Variants in ITGB2 observed in about 807,000 individuals in gnomAD.
ITGB2 encodes integrin beta-2.
Under a neutral mutation model 86.8 loss-of-function variants are expected in ITGB2, and 56 were observed. That is an observed-to-expected ratio of 0.65 (90% confidence interval 0.52 to 0.81). The LOEUF (loss-of-function observed/expected upper bound fraction) is 0.81, where lower values mean the gene tolerates loss of function less well. ITGB2 is among the 30% of genes least tolerant of loss of function. The pLI is 0.00. For synonymous variants in ITGB2, 457 were observed against 450.4 expected, an observed-to-expected ratio of 1.01 and a Z score of -0.19; for missense variants, 948 against 1,061.2, an observed-to-expected ratio of 0.89 and a Z score of 1.48.
At chr21:44,894,514 A>C in intron 9 of ITGB2, 1 of 249,390 alleles carries the variant, frequency 4.0e-6, no homozygotes. Flanking sequence ...CACCAGGGAG[A>C]AATTCAGGGG....
intron 1 of ITGB2, chr21:44,926,829 G>A (rs2084378631): frequency 2.0e-5 from 3 of 152,290 alleles, no homozygotes; most frequent in South Asian, 2.1e-4. Context: ...TGTCATCAGG[G>A]GTTGGTTGGT....
In ITGB2 at chr21:44,917,547, T is replaced by G. The variant is rs539750069; in HGVS notation, c.-4+3274A>C. On this transcript the variant is annotated intron_variant, in intron 1 of 15. Coordinates refer to ENST00000652462, the MANE Select transcript of ITGB2 (RefSeq NM_000211.5). ...ACTGTGACGTTGATGAGGACGCTGC[T>G]TCATGGCAGTGGGACCTCCCTGCTG... Among the ~76,000 whole-genome samples the G allele has an allele frequency of 2.0e-5, 3 of 152,338 alleles. No homozygotes were observed. The East Asian group carries it at 5.8e-4, about 29-fold the overall frequency.
At chr21:44,907,266 G>A (rs930004483) in intron 3 of ITGB2, among the ~76,000 whole-genome samples, 171 bp from the exon 4 acceptor site, 20 of 152,130 alleles carry the variant, frequency 1.3e-4, no homozygotes, top group Admixed American at 5.2e-4. Context: ...CTCCCAGACA[G>A]CCCCTCCCTG....
At chr21:44,923,009 G>A (rs1028487244), upstream of ITGB2, 5 of 152,310 alleles carry the variant, frequency 3.3e-5, no homozygotes, top group South Asian at 2.1e-4. Flanking sequence ...CGCTGCGAAC[G>A]TCACGGACGC....
chr21:44,915,317 C>G (rs1401959347), intron 1 of ITGB2, among the ~76,000 whole-genome samples: 1 of 152,190 alleles, frequency 6.6e-6, no homozygotes, highest in Non-Finnish European at 1.5e-5. Flanking sequence ...AGCCACCGTG[C>G]CCAGTCTCAG....
chr21:44,905,315 C>T (rs984949206), intron 4 of ITGB2, among the ~76,000 whole-genome samples: 3 of 152,140 alleles, frequency 2.0e-5, no homozygotes, highest in African/African-American at 7.2e-5. Flanking sequence ...GTTTGCCTAC[C>T]CTCACCTGCA....
chr21:44,889,084 G>A (rs944078862), intron 13 of ITGB2, 189 bp from the exon 14 acceptor site: 120 of 700,288 alleles, frequency 1.7e-4, no homozygotes, highest in Non-Finnish European at 8.6e-5. Context: ...CAGGGCCCGC[G>A]GCAGGTGCGC....
chr21:44,902,205 C>T (rs889441870), intron 5 of ITGB2, among the ~76,000 whole-genome samples: 24 of 152,178 alleles, frequency 1.6e-4, no homozygotes, highest in Admixed American at 1.5e-3. Context: ...TGTTTATGTA[C>T]GATTTATACA....
At chr21:44,898,598 C>T (rs1236235991) in intron 8 of ITGB2, among the ~76,000 whole-genome samples, 1 of 152,236 alleles carries the variant, frequency 6.6e-6, no homozygotes, top group East Asian at 1.9e-4. Context: ...ACGTGTTTCA[C>T]TGGGGGCCTC....
chr21:44,903,437 G>A lies in ITGB2; in HGVS notation c.427C>T (p.Leu143Phe). 1.2e-6 allele frequency: 2 copies of A among 1,614,104 alleles called. No individual in the cohort carries two copies. Among genetic ancestry groups the A allele is most frequent in the Non-Finnish European group, 1.7e-6 (2 of 1,179,982 alleles). The change falls in exon 5 of 16, where the codon CTC becomes TTC. Residue 143 changes from leucine (L) to phenylalanine (F), a missense_variant. Coordinates refer to ENST00000652462, the MANE Select transcript of ITGB2 (RefSeq NM_000211.5). Reference protein sequence around the residue: ...MDLSYSMLDDLRNVKKLGGDL... With the variant: ...MDLSYSMLDDFRNVKKLGGDL... The stretch of plus-strand genomic sequence containing the variant: ...CCACCTAGCTTCTTGACATTCCTGA[G>A]GTCATCAAGCATGGAGTAGGAGAGG...
chr21:44,902,680 C>A (rs994129089), intron 5 of ITGB2, among the ~76,000 whole-genome samples: 6 of 148,534 alleles, frequency 4.0e-5, no homozygotes, highest in African/African-American at 1.5e-4. Flanking sequence ...CGTGCATTTG[C>A]GTTTGAGCAT....
intron 2 of ITGB2, 49 bp from the exon 3 acceptor site, chr21:44,910,421 C>T (rs1305354595): frequency 6.2e-7 from 1 of 1,613,120 alleles, no homozygotes; most frequent in South Asian, 1.1e-5. Context: ...CCGCCCTGCC[C>T]ACACCCAAGG....
At chr21:44,895,952 G>T (rs981706747) in intron 8 of ITGB2, among the ~76,000 whole-genome samples, 3 of 151,026 alleles carry the variant, frequency 2.0e-5, no homozygotes, top group Non-Finnish European at 3.0e-5. Context: ...GATAAGAAAA[G>T]AAAGCAAAGC....
At chr21:44,892,470 A>G (rs2083800549) in intron 10 of ITGB2, among the ~76,000 whole-genome samples, 1 of 152,106 alleles carries the variant, frequency 6.6e-6, no homozygotes, top group Non-Finnish European at 1.5e-5. Flanking sequence ...AAATACAAAA[A>G]TTAGCCGAGC....
chr21:44,886,723 G>A lies in ITGB2; in HGVS notation c.2247+13C>T, dbSNP rs749167527. ...TGCCCCTCTGCGTGGGACCCCCAAG[G>A]ACGGCCACTTACATTGTTCCACTGG... On this transcript the variant is annotated intron_variant, in intron 15 of 15. Coordinates refer to ENST00000652462, the MANE Select transcript of ITGB2 (RefSeq NM_000211.5). The A allele has an allele frequency of 6.2e-6, 10 of 1,613,992 alleles. No homozygotes were observed. Among genetic ancestry groups the A allele is most frequent in the East Asian group, 2.2e-5 (1 of 44,880 alleles).
At chr21:44,889,125 C>T (rs1465682859) in intron 13 of ITGB2, 151 bp downstream of exon 13, 20 of 769,820 alleles carry the variant, frequency 2.6e-5, no homozygotes, top group Admixed American at 4.4e-5. Flanking sequence ...AGGGGCACGG[C>T]GGCCGCGGAG....
At chr21:44,915,266 C>T (rs572701581) in intron 1 of ITGB2, among the ~76,000 whole-genome samples, 3 of 152,252 alleles carry the variant, frequency 2.0e-5, no homozygotes, top group East Asian at 3.9e-4. Context: ...CCTCATGATC[C>T]GCCCACCTCG....
intron 4 of ITGB2, 128 bp from the exon 5 acceptor site, chr21:44,903,663 C>G (rs2084000282): frequency 1.9e-6 from 2 of 1,031,842 alleles, no homozygotes; most frequent in Admixed American, 4.0e-5. Flanking sequence ...CCTGACCTCC[C>G]CTCTCCCCGC....
intron 4 of ITGB2, 36 bp downstream of exon 4, chr21:44,906,879 G>A (rs1265429543): frequency 2.5e-6 from 4 of 1,609,954 alleles, no homozygotes; most frequent in Non-Finnish European, 3.4e-6. Context: ...AACCAGCACA[G>A]ACGGTGCCTG....
Sources: gnomAD v4.1 joint callset for allele counts (sites outside exome capture counted in the v4.1 genomes callset) on GRCh38, gnomAD v4.1.1 for gene constraint, MANE v1.5 for transcripts, NCBI Gene and HGNC (gene_info 2026-07-23, HGNC 2026-07-21) for gene names.